The following TFCP2L1 variants were observed in gnomAD, a reference collection of about 807,000 sequenced individuals.
TFCP2L1 encodes the protein transcription factor CP2 like 1, also known as transcription factor CP2-like protein 1.
TFCP2L1 carries 12 observed loss-of-function variants against 72.2 expected under a neutral mutation model. That is an observed-to-expected ratio of 0.17 (90% confidence interval 0.11 to 0.27). The LOEUF (loss-of-function observed/expected upper bound fraction) is 0.27, where lower values mean the gene tolerates loss of function less well. Among genes scored for constraint, TFCP2L1 ranks in the 10% least tolerant of loss-of-function variants. TFCP2L1 has a pLI of 1.00. For synonymous variants in TFCP2L1, 260 were observed against 251.0 expected, an observed-to-expected ratio of 1.04 and a Z score of -0.34; for missense variants, 488 against 624.6, an observed-to-expected ratio of 0.78 and a Z score of 2.33.
chr2:121,233,971 T>G, intron 12 of TFCP2L1, 120 bp downstream of exon 12: 2 of 866,250 alleles, frequency 2.3e-6, no homozygotes, highest in Non-Finnish European at 3.7e-6. Flanking sequence ...CGTGTGGGCA[T>G]GTGGGAGCCC....
intron 6 of TFCP2L1, among the ~76,000 whole-genome samples, chr2:121,244,633 A>G (rs1686444491): frequency 6.6e-6 from 1 of 152,094 alleles, no homozygotes; most frequent in Admixed American, 6.5e-5. Flanking sequence ...CTTCTGACCC[A>G]AGGTGTAGAA....
intron 13 of TFCP2L1, among the ~76,000 whole-genome samples, chr2:121,229,472 T>C (rs192001394): frequency 4.6e-5 from 7 of 152,284 alleles, no homozygotes; most frequent in East Asian, 1.9e-4. Context: ...GAGGAAGTGC[T>C]CGTGAACATT....
Position 121,219,763 on chromosome 2 carries a change from G to A in TFCP2L1, c.*4578C>T, listed in dbSNP as rs1255237650. On this transcript the variant is annotated 3_prime_UTR_variant, in exon 15 of 15. Coordinates refer to ENST00000263707, the MANE Select transcript of TFCP2L1 (RefSeq NM_014553.3). ...TAGGATTAGAGGCATGGGCCACCAC[G>A]TCCAGCTTTTTGTACGATTTTGATG... 1 of 152,210 alleles carries A rather than the reference G, an allele frequency of 6.6e-6. No individual in the cohort carries two copies. Among genetic ancestry groups the A allele is most frequent in the Non-Finnish European group, 1.5e-5 (1 of 68,052 alleles). 9.4% of individuals were successfully genotyped at this position (152,210 alleles called of 1,614,324 possible). A position where few individuals can be genotyped will look rare whatever the true frequency, so the allele number is the denominator to read the frequency against.
intron 12 of TFCP2L1, 24 bp downstream of exon 12, chr2:121,234,067 C>T (rs189354743): frequency 6.2e-7 from 1 of 1,605,362 alleles, no homozygotes; most frequent in Non-Finnish European, 8.5e-7. Flanking sequence ...TGTGTGGGTC[C>T]CAGCTCTGCT....
intron 2 of TFCP2L1, among the ~76,000 whole-genome samples, chr2:121,273,938 A>G (rs908369868): frequency 2.6e-5 from 4 of 152,080 alleles, no homozygotes; most frequent in African/African-American, 9.7e-5. Context: ...ATTTAAAAAT[A>G]CAAAAATTAG....
intron 4 of TFCP2L1, 76 bp downstream of exon 4, chr2:121,248,906 G>T: frequency 1.7e-6 from 2 of 1,207,616 alleles, no homozygotes; most frequent in Non-Finnish European, 2.3e-6. Context: ...CATAGGTCCG[G>T]GTGGCATCCA....
At position 121,254,183 on chromosome 2, in the gene TFCP2L1, G is replaced by A. The variant is rs143131129; in HGVS notation, c.215-4536C>T. Among the ~76,000 whole-genome samples the A allele has an allele frequency of 4.5e-4, 69 of 152,302 alleles. 1 individual carries two copies. The East Asian group carries it at 0.013, about 29-fold the overall frequency. ...AGGTACTCAGCAAATGCATCCATGGGATTTCACCTTCTTTACAGTGCTATA... is the reference window on the plus strand; with the variant it reads ...AGGTACTCAGCAAATGCATCCATGGAATTTCACCTTCTTTACAGTGCTATA... On this transcript the variant is annotated intron_variant, in intron 2 of 14. Transcript: ENST00000263707.
chr2:121,246,600 GC>G (rs1328891682), intron 6 of TFCP2L1, among the ~76,000 whole-genome samples: 1 of 152,252 alleles, frequency 6.6e-6, no homozygotes, highest in African/African-American at 2.4e-5. Flanking sequence ...CTGAGCGGGT[GC>G]CGCAGGTGAA....
intron 2 of TFCP2L1, among the ~76,000 whole-genome samples, chr2:121,279,180 C>T (rs1687207044): frequency 6.6e-6 from 1 of 152,184 alleles, no homozygotes; most frequent in African/African-American, 2.4e-5. Context: ...AGAAGAACCA[C>T]ATCAAAGCTC....
At chr2:121,236,169 G>T (rs1003851080) in intron 10 of TFCP2L1, among the ~76,000 whole-genome samples, 8 of 152,190 alleles carry the variant, frequency 5.3e-5, no homozygotes, top group Non-Finnish European at 1.0e-4. Flanking sequence ...GGGCGCTGGG[G>T]GGGCTTCAGG....
At chr2:121,254,150 C>T (rs1686666443) in intron 2 of TFCP2L1, among the ~76,000 whole-genome samples, 1 of 152,208 alleles carries the variant, frequency 6.6e-6, no homozygotes, top group Non-Finnish European at 1.5e-5. Flanking sequence ...GCGCTGTCTG[C>T]ACACAGTAGG....
At chr2:121,240,348 A>C (rs1012345775) in intron 7 of TFCP2L1, 97 of 985,294 alleles carry the variant, frequency 9.8e-5, no homozygotes, top group Non-Finnish European at 1.1e-4. Context: ...TGTCTGCTGG[A>C]GAAAGTCTAT....
intron 2 of TFCP2L1, among the ~76,000 whole-genome samples, chr2:121,261,598 GAA>G (rs1306217793): frequency 6.6e-6 from 1 of 152,134 alleles, no homozygotes; most frequent in African/African-American, 2.4e-5. Context: ...GGTAGAGAAG[GAA>G]AAACTCTTTT....
At chr2:121,260,421 T>TCC (rs887916474) in intron 2 of TFCP2L1, among the ~76,000 whole-genome samples, 2 of 152,092 alleles carry the variant, frequency 1.3e-5, no homozygotes, top group Non-Finnish European at 2.9e-5. Flanking sequence ...ATAATGTACT[T>TCC]CCCGCCCACA....
intron 2 of TFCP2L1, among the ~76,000 whole-genome samples, chr2:121,271,282 C>A (rs78804670): frequency 1.3e-5 from 2 of 151,358 alleles, no homozygotes; most frequent in African/African-American, 4.9e-5. Context: ...AAAAGGTACA[C>A]GTGGCGAACA....
At chr2:121,251,391 CCTCT>C (rs1025815105) in intron 2 of TFCP2L1, among the ~76,000 whole-genome samples, 14 of 152,118 alleles carry the variant, frequency 9.2e-5, no homozygotes, top group Non-Finnish European at 1.9e-4. Flanking sequence ...TTGCATGTTC[CCTCT>C]CTCTTTTTCT....
At chr2:121,246,559 C>A (rs1010709508) in intron 6 of TFCP2L1, among the ~76,000 whole-genome samples, 1 of 152,232 alleles carries the variant, frequency 6.6e-6, no homozygotes, top group African/African-American at 2.4e-5. Flanking sequence ...ACAGCCAGGA[C>A]GGACATCCAT....
At position 121,219,327 on chromosome 2, in the gene TFCP2L1, A is replaced by G. The variant is rs1185731876; in HGVS notation, c.*5014T>C. 1 of 152,316 alleles carries G rather than the reference A, an allele frequency of 6.6e-6. No homozygotes were observed. The highest frequency in any genetic ancestry group is 2.4e-5 in the African/African-American group (1 of 41,466). The allele number at this position is 152,316 out of a possible 1,614,324, so 9.4% of individuals were successfully genotyped here. The stretch of plus-strand genomic sequence containing the variant: ...GGCTGCTTCTGGCTGTGCTCATGGC[A>G]AATTCATGGGCAAGGGAAGGAACCC... On this transcript the variant is annotated 3_prime_UTR_variant, in exon 15 of 15. Transcript: ENST00000263707.
intron 5 of TFCP2L1, among the ~76,000 whole-genome samples, 182 bp from the exon 6 acceptor site, chr2:121,247,152 T>TG (rs1686505652): frequency 6.6e-6 from 1 of 152,084 alleles, no homozygotes; most frequent in African/African-American, 2.4e-5. Flanking sequence ...CCTGTTCCCC[T>TG]GCCTGCAAAA....
Sources: allele counts gnomAD v4.1 joint callset (sites outside exome capture counted in the v4.1 genomes callset), GRCh38; gene constraint gnomAD v4.1.1; transcripts MANE v1.5; gene names NCBI Gene and HGNC (gene_info 2026-07-23, HGNC 2026-07-21).